Variants in GALNT13 observed in about 807,000 individuals in gnomAD.
GALNT13 encodes polypeptide N-acetylgalactosaminyltransferase 13.
A neutral mutation model predicts 64.2 loss-of-function variants in GALNT13; 28 were observed. The ratio of observed to expected loss-of-function variants is 0.44; its 90% CI spans 0.32 to 0.60. The LOEUF (loss-of-function observed/expected upper bound fraction) is 0.60, where lower values mean the gene tolerates loss of function less well. GALNT13 is among the 20% of genes least tolerant of loss of function. GALNT13 has a pLI of 0.05. For missense variants in GALNT13, 577 were observed against 669.8 expected (o/e 0.86, Z 1.53); for synonymous variants, 214 against 224.6 (o/e 0.95, Z 0.42).
chr2:153,932,374 T>C (rs1339310712), intron 2 of GALNT13, among the ~76,000 whole-genome samples: 1 of 151,792 alleles, frequency 6.6e-6, no homozygotes, highest in Admixed American at 6.6e-5. Context: ...TTAGGAGTGA[T>C]GTTATGTTGT....
At chr2:154,277,791 A>G (rs1453684396) in intron 8 of GALNT13, among the ~76,000 whole-genome samples, 1 of 152,216 alleles carries the variant, frequency 6.6e-6, no homozygotes, top group Non-Finnish European at 1.5e-5. Context: ...CATTTTCAAA[A>G]TTCCAAATTT....
At chr2:153,346,836 A>T in the GALNT13 span, among the ~76,000 whole-genome samples, 29 of 152,258 alleles carry the variant, frequency 1.9e-4, no homozygotes, top group South Asian at 1.2e-3. Flanking sequence ...TTCCCATTGT[A>T]ATTCTATATC....
chr2:154,000,265 C>T (rs1364553318), intron 3 of GALNT13, among the ~76,000 whole-genome samples: 1 of 151,072 alleles, frequency 6.6e-6, no homozygotes, highest in Non-Finnish European at 1.5e-5. Context: ...CAAAAAATAA[C>T]ACTGTTCATC....
chr2:153,923,310 T>A (rs950094472), intron 2 of GALNT13, among the ~76,000 whole-genome samples: 2 of 152,216 alleles, frequency 1.3e-5, no homozygotes, highest in Non-Finnish European at 2.9e-5. Flanking sequence ...GCCAGAAATG[T>A]GAAGTGAAAA....
the GALNT13 span, among the ~76,000 whole-genome samples, chr2:153,384,139 A>G: frequency 2.6e-5 from 4 of 151,656 alleles, no homozygotes; most frequent in Admixed American, 2.0e-4. Flanking sequence ...TTCTCTCTCC[A>G]CTCCTCCCTG....
chr2:154,238,265 G>A (rs1016247109), intron 4 of GALNT13, among the ~76,000 whole-genome samples: 1 of 151,940 alleles, frequency 6.6e-6, no homozygotes, highest in African/African-American at 2.4e-5. Flanking sequence ...ACTATTTAAA[G>A]GCAAAGAAAG....
chr2:154,156,614 A>T (rs1414018081), intron 4 of GALNT13, among the ~76,000 whole-genome samples: 1 of 152,192 alleles, frequency 6.6e-6, no homozygotes, highest in Non-Finnish European at 1.5e-5. Flanking sequence ...CATACTTAGA[A>T]AGGTTAAGGA....
intron 4 of GALNT13, among the ~76,000 whole-genome samples, chr2:154,163,691 G>C (rs1684867302): frequency 6.6e-6 from 1 of 152,152 alleles, no homozygotes; most frequent in South Asian, 2.1e-4. Context: ...TCTTAGGACA[G>C]GGATAGTGAA....
the GALNT13 span, among the ~76,000 whole-genome samples, chr2:153,523,964 T>C: frequency 7.9e-5 from 12 of 152,210 alleles, no homozygotes; most frequent in Non-Finnish European, 1.5e-5. Flanking sequence ...AGTTGAGTTA[T>C]ATATTTCCCT....
At chr2:154,028,717 TG>T (rs1698143227) in intron 3 of GALNT13, among the ~76,000 whole-genome samples, 1 of 152,110 alleles carries the variant, frequency 6.6e-6, no homozygotes, top group Admixed American at 6.6e-5. Context: ...CTGCATTTTG[TG>T]GGGCATAATT....
At chr2:153,232,385 G>A in the GALNT13 span, among the ~76,000 whole-genome samples, 1 of 152,194 alleles carries the variant, frequency 6.6e-6, no homozygotes, top group Non-Finnish European at 1.5e-5. Flanking sequence ...CCTTCTAGGT[G>A]AAAGTGTTTC....
intron 9 of GALNT13, among the ~76,000 whole-genome samples, chr2:154,359,891 C>T (rs1696965667): frequency 6.6e-6 from 1 of 152,048 alleles, no homozygotes; most frequent in African/African-American, 2.4e-5. Flanking sequence ...TTTTCTTTAA[C>T]TTAATGTAAT....
At chr2:153,182,311 T>C in the GALNT13 span, among the ~76,000 whole-genome samples, 1 of 152,250 alleles carries the variant, frequency 6.6e-6, no homozygotes, top group Admixed American at 6.5e-5. Flanking sequence ...CCCAAAGTGC[T>C]GGGATTACAG....
chr2:154,269,258 C>T (rs1691191241), intron 8 of GALNT13, among the ~76,000 whole-genome samples: 1 of 152,004 alleles, frequency 6.6e-6, no homozygotes, highest in South Asian at 2.1e-4. Flanking sequence ...TAAGCAATGT[C>T]TACACAATTC....
chr2:154,251,782 C>T (rs1255085610), intron 7 of GALNT13, among the ~76,000 whole-genome samples: 1 of 152,142 alleles, frequency 6.6e-6, no homozygotes, highest in Non-Finnish European at 1.5e-5. Flanking sequence ...ATTTGTGCCT[C>T]TGCTTCCTTT....
the GALNT13 span, among the ~76,000 whole-genome samples, chr2:153,793,237 G>A: frequency 6.6e-6 from 1 of 151,864 alleles, no homozygotes; most frequent in Non-Finnish European, 1.5e-5. Flanking sequence ...CTCCCAAAGC[G>A]CTGGGATTAC....
chr2:154,315,433 A>G (rs1169138777), intron 9 of GALNT13, among the ~76,000 whole-genome samples: 1 of 152,148 alleles, frequency 6.6e-6, no homozygotes, highest in African/African-American at 2.4e-5. Context: ...AGGGGAAACA[A>G]TTTCTGAAAT....
intron 9 of GALNT13, among the ~76,000 whole-genome samples, chr2:154,363,015 T>C (rs1697163160): frequency 3.0e-5 from 1 of 33,894 alleles, no homozygotes; most frequent in Non-Finnish European, 7.2e-5. Flanking sequence ...ACTGTTTTGC[T>C]TTCTCATTTA....
chr2:154,184,115 A>G (rs1686118543), intron 4 of GALNT13, among the ~76,000 whole-genome samples: 1 of 151,858 alleles, frequency 6.6e-6, no homozygotes, highest in African/African-American at 2.4e-5. Flanking sequence ...ATTTATAATA[A>G]TACATGGGTA....
Sources: allele counts gnomAD v4.1 joint callset (sites outside exome capture counted in the v4.1 genomes callset), GRCh38; gene constraint gnomAD v4.1.1; transcripts MANE v1.5; gene names NCBI Gene and HGNC (gene_info 2026-07-23, HGNC 2026-07-21).